Variants in SETD6 observed in about 807,000 individuals in gnomAD.
SETD6 encodes N-lysine methyltransferase SETD6.
In SETD6, 67 loss-of-function variants were observed where a neutral mutation model predicts 52.7. That is an observed-to-expected ratio of 1.27 (90% CI 1.04 to 1.56). SETD6 has a LOEUF of 1.56. SETD6 is among the 40% of genes most tolerant of loss of function. The pLI, the probability that SETD6 is intolerant of heterozygous loss-of-function variation, is 0.00. For missense variants in SETD6, 712 were observed against 607.5 expected (o/e 1.17, Z -1.81); for synonymous variants, 307 against 250.2 (o/e 1.23, Z -2.14).
chr16:58,515,799 G>T lies in SETD6; in HGVS notation c.36G>T (p.Gly12=). 1 of 1,513,884 alleles carries T rather than the reference G, an allele frequency of 6.6e-7. No individual in the cohort carries two copies. The highest frequency in any genetic ancestry group is 2.1e-5 in the Admixed American group (1 of 47,436). 93.8% of individuals were successfully genotyped at this position (1,513,884 alleles called of 1,614,324 possible). The part of the protein sequence containing the change: ...ATQAKRPRVA[G]PVDGGDLDPV... Reference sequence around the variant, plus strand: ...GCGCGCACTTATCTCAGGTGGCGGGGCCCGTGGACGGCGGCGACCTGGATC... The same window carrying T: ...GCGCGCACTTATCTCAGGTGGCGGGTCCCGTGGACGGCGGCGACCTGGATC... The change falls in exon 2 of 8, where the codon GGG becomes GGT. Residue 12 remains glycine, a synonymous_variant. Coordinates refer to ENST00000219315, the MANE Select transcript of SETD6 (RefSeq NM_001160305.4).
rs2039273182 is a variant in SETD6, at chr16:58,519,007, A to AGTT, written c.1405_1407dup (p.Leu469dup). On this transcript the variant is annotated inframe_insertion, in exon 8 of 8. Transcript: ENST00000219315. ...TATGGTCAGAAGATGATCTTACATC[A>AGTT]GTTGTTGGAGCTGACAAGTTAGCAG... is the stretch of plus-strand genomic sequence containing the variant. 1.2e-6 allele frequency: 2 copies of AGTT among 1,612,128 alleles called. No homozygotes were observed. Among genetic ancestry groups the AGTT allele is most frequent in the Non-Finnish European group, 1.7e-6 (2 of 1,178,840 alleles).
At position 58,520,292 on chromosome 16, in the gene SETD6, G is replaced by C. The variant is rs1324528850; in HGVS notation, c.*1263G>C. The C allele has an allele frequency of 1.3e-5, 2 of 152,218 alleles. No homozygotes were observed. The highest frequency in any genetic ancestry group is 4.8e-5 in the African/African-American group (2 of 41,404). 9.4% of individuals were successfully genotyped at this position (152,218 alleles called of 1,614,324 possible). Reference sequence around the variant, plus strand: ...CTGGTCTGGTTTCCCTTTATATAAAGAGCTGACCCCCATCTCAGGCGGCTG... The same window carrying C: ...CTGGTCTGGTTTCCCTTTATATAAACAGCTGACCCCCATCTCAGGCGGCTG... On this transcript the variant is annotated 3_prime_UTR_variant, in exon 8 of 8. Transcript: ENST00000219315.
Position 58,523,273 on chromosome 16 carries a change from G to A in SETD6, c.*4244G>A, listed in dbSNP as rs1026721277. ...AAAACAAAAAAAAAACCAACCAAACGGATTTTCACTGAACACTGAAAGCAT... is the reference window on the plus strand; with the variant it reads ...AAAACAAAAAAAAAACCAACCAAACAGATTTTCACTGAACACTGAAAGCAT... On this transcript the variant is annotated 3_prime_UTR_variant, in exon 8 of 8. Transcript: ENST00000219315. 2.3e-6 allele frequency: 3 copies of A among 1,320,776 alleles called. No individual in the cohort carries two copies. Among genetic ancestry groups the A allele is most frequent in the East Asian group, 2.4e-5 (1 of 41,808 alleles). 81.8% of individuals were successfully genotyped at this position (1,320,776 alleles called of 1,614,324 possible).
At chr16:58,516,146 G>T (rs565282482) in intron 2 of SETD6, 49 bp downstream of exon 2, 1 of 1,290,810 alleles carries the variant, frequency 7.7e-7, no homozygotes, top group Non-Finnish European at 9.8e-7. Flanking sequence ...GGGCGGGGCG[G>T]GGCGGGCCCG....
At chr16:58,517,132 A>T in intron 5 of SETD6, 1 of 689,572 alleles carries the variant, frequency 1.5e-6, no homozygotes, top group Non-Finnish European at 2.5e-6. Flanking sequence ...TCCTCTGATA[A>T]ACTATACTAC....
rs1479272928 is a variant in SETD6 at position 58,521,858 on chromosome 16, G to A, written c.*2829G>A. 6.6e-6 allele frequency among the ~76,000 whole-genome samples: 1 copy of A among 152,044 alleles called. No homozygotes were observed. The highest frequency in any genetic ancestry group is 1.5e-5 in the Non-Finnish European group (1 of 68,008). Reference sequence around the variant, plus strand: ...ATCCCAGCAGTCGGACGCTGAGGCAGGAGAATCGCTTGAACCCAGTAGGTG... The same window carrying A: ...ATCCCAGCAGTCGGACGCTGAGGCAAGAGAATCGCTTGAACCCAGTAGGTG... On this transcript the variant is annotated 3_prime_UTR_variant, in exon 8 of 8. Coordinates refer to ENST00000219315, the MANE Select transcript of SETD6 (RefSeq NM_001160305.4).
chr16:58,516,890 C>T lies in SETD6; in HGVS notation c.754C>T (p.His252Tyr). ...VMVPAADILNHLANHNANLEY... is the reference protein window; with the variant it reads ...VMVPAADILNYLANHNANLEY... ...GGTGCCTGCTGCAGACATACTAAAC[C>T]ACTTAGCCAATCACAACGCCAATCT... The change falls in exon 5 of 8, where the codon CAC becomes TAC. Residue 252 changes from histidine to tyrosine, a missense_variant. Coordinates refer to ENST00000219315, the MANE Select transcript of SETD6 (RefSeq NM_001160305.4). The T allele has an allele frequency of 1.9e-6, 3 of 1,614,170 alleles. No homozygotes were observed. Among genetic ancestry groups the T allele is most frequent in the Non-Finnish European group, 2.5e-6 (3 of 1,180,022 alleles).
At position 58,520,163 on chromosome 16, in the gene SETD6, G is replaced by GGA. The variant is rs1296156757; in HGVS notation, c.*1137_*1138dup. On this transcript the variant is annotated 3_prime_UTR_variant, in exon 8 of 8. Coordinates refer to ENST00000219315, the MANE Select transcript of SETD6 (RefSeq NM_001160305.4). Reference sequence around the variant, plus strand: ...GCCATTCATTCAGTGGGGTAATGGGGGAGAACAATTAATTAATGAGATTTG... The same window carrying GGA: ...GCCATTCATTCAGTGGGGTAATGGGGGAGAGAACAATTAATTAATGAGATTTG... The GGA allele has an allele frequency of 6.6e-6, 1 of 152,086 alleles. No homozygotes were observed. The highest frequency in any genetic ancestry group is 6.5e-5 in the Admixed American group (1 of 15,276). 9.4% of individuals were successfully genotyped at this position (152,086 alleles called of 1,614,324 possible).
At chr16:58,515,510 G>A (rs368467181), upstream of SETD6, 4 of 1,575,912 alleles carry the variant, frequency 2.5e-6, no homozygotes, top group Non-Finnish European at 3.4e-6. Flanking sequence ...GCGGTGCGCC[G>A]GCCCGCGAGG....
Position 58,521,380 on chromosome 16 carries a change from C to G in SETD6, c.*2351C>G. The G allele has an allele frequency of 6.6e-7, 1 of 1,513,582 alleles. No individual in the cohort carries two copies. The highest frequency in any genetic ancestry group is 8.9e-7 in the Non-Finnish European group (1 of 1,121,380). The allele number at this position is 1,513,582 out of a possible 1,614,324, so 93.8% of individuals were successfully genotyped here. On this transcript the variant is annotated 3_prime_UTR_variant, in exon 8 of 8. Coordinates refer to ENST00000219315, the MANE Select transcript of SETD6 (RefSeq NM_001160305.4). ...GCATACAAATTCATGATTATTCTTC[C>G]ATTACTTTTTTTCTAACTTCTCCCT...
Position 58,521,347 on chromosome 16 carries a change from G to T in SETD6, c.*2318G>T. The T allele has an allele frequency of 6.4e-7, 1 of 1,570,374 alleles. No homozygotes were observed. Among genetic ancestry groups the T allele is most frequent in the Non-Finnish European group, 8.6e-7 (1 of 1,162,080 alleles). On this transcript the variant is annotated 3_prime_UTR_variant, in exon 8 of 8. Transcript: ENST00000219315. ...AAAAAGGGAGAAAGAGCTAGTTAATGTATAGAAGCATACAAATTCATGATT... is the reference window on the plus strand; with the variant it reads ...AAAAAGGGAGAAAGAGCTAGTTAATTTATAGAAGCATACAAATTCATGATT...
chr16:58,518,372 A>G lies in SETD6; in HGVS notation c.974-29A>G, dbSNP rs1442870459. 6 of 1,581,456 alleles carry G rather than the reference A, an allele frequency of 3.8e-6. No individual in the cohort carries two copies. The South Asian group carries it at 7.0e-5, about 18-fold the overall frequency. On this transcript the variant is annotated intron_variant, in intron 6 of 7. Transcript: ENST00000219315. ...AAGAAATGAACCCTTGGGTGTACTG[A>G]GACTTTCACATTGCTGTTTCATCTA...
rs2039361250 is a variant in SETD6 at position 58,521,365 on chromosome 16, T to A, written c.*2336T>A. ...AGTTAATGTATAGAAGCATACAAATTCATGATTATTCTTCCATTACTTTTT... is the reference window on the plus strand; with the variant it reads ...AGTTAATGTATAGAAGCATACAAATACATGATTATTCTTCCATTACTTTTT... On this transcript the variant is annotated 3_prime_UTR_variant, in exon 8 of 8. Coordinates refer to ENST00000219315, the MANE Select transcript of SETD6 (RefSeq NM_001160305.4). 6 of 1,538,838 alleles carry A rather than the reference T, an allele frequency of 3.9e-6. No homozygotes were observed. Among genetic ancestry groups the A allele is most frequent in the East Asian group, 2.3e-5 (1 of 44,324 alleles).
At position 58,520,788 on chromosome 16, in the gene SETD6, G is replaced by T; in HGVS notation, c.*1759G>T. 1.6e-6 allele frequency: 1 copy of T among 641,820 alleles called. No homozygotes were observed. Among genetic ancestry groups the T allele is most frequent in the Non-Finnish European group, 2.6e-6 (1 of 378,618 alleles). The allele number at this position is 641,820 out of a possible 1,614,324, so 39.8% of individuals were successfully genotyped here. The stretch of plus-strand genomic sequence containing the variant: ...GTCAAAAAAATGCATTTAAACTTTG[G>T]AACGTGCCCACATAAGACAGGAGGC... On this transcript the variant is annotated 3_prime_UTR_variant, in exon 8 of 8. Coordinates refer to ENST00000219315, the MANE Select transcript of SETD6 (RefSeq NM_001160305.4).
intron 5 of SETD6, 151 bp downstream of exon 5, chr16:58,517,079 G>A (rs1037986050): frequency 5.2e-6 from 6 of 1,163,808 alleles, no homozygotes; most frequent in African/African-American, 4.6e-5. Context: ...AGAATCATTT[G>A]AATGCGAAAC....
chr16:58,517,810 G>A (rs1396771949), intron 5 of SETD6: 1 of 575,930 alleles, frequency 1.7e-6, no homozygotes, highest in East Asian at 3.0e-5. Context: ...AACTTTTTAA[G>A]TGCTGAAGAG....
chr16:58,523,335 T>G lies in SETD6; in HGVS notation c.*4306T>G, dbSNP rs180774956. 1.3e-6 allele frequency: 2 copies of G among 1,556,092 alleles called. No homozygotes were observed. Among genetic ancestry groups the G allele is most frequent in the Non-Finnish European group, 1.7e-6 (2 of 1,150,032 alleles). On this transcript the variant is annotated 3_prime_UTR_variant, in exon 8 of 8. Coordinates refer to ENST00000219315, the MANE Select transcript of SETD6 (RefSeq NM_001160305.4). ...AAAAAAGATGAAAGGGAGGAGATCC[T>G]TTTGAAGCATTTAAAAAATAAGCTG...
rs764499577 is a variant in SETD6 at position 58,515,998 on chromosome 16, G to A, written c.235G>A (p.Ala79Thr). The A allele has an allele frequency of 4.5e-6, 7 of 1,542,018 alleles. No homozygotes were observed. The African/African-American group carries it at 5.7e-5, about 12-fold the overall frequency. ...QGTVAGYGMV[A>T]RESVQAGELL... ...CACGGTGGCCGGCTACGGCATGGTG[G>A]CCCGGGAGAGCGTGCAGGCCGGAGA... Residue 79 changes from alanine (A) to threonine (T), a missense_variant, in exon 2 of 8, where the codon GCC becomes ACC. Ala to Thr is a moderately conservative substitution (Grantham distance 58, BLOSUM62 0). Coordinates refer to ENST00000219315, the MANE Select transcript of SETD6 (RefSeq NM_001160305.4).
Position 58,516,194 on chromosome 16 carries a change from T to C in SETD6, c.335-8T>C. 1 of 1,575,440 alleles carries C rather than the reference T, an allele frequency of 6.3e-7. No homozygotes were observed. Among genetic ancestry groups the C allele is most frequent in the South Asian group, 1.1e-5 (1 of 88,826 alleles). On this transcript the variant is annotated splice_polypyrimidine_tract_variant and splice_region_variant and intron_variant, in intron 2 of 7. Coordinates refer to ENST00000219315, the MANE Select transcript of SETD6 (RefSeq NM_001160305.4). ...GCGCCGGGGCGCTCACACCTGTGTC[T>C]TCCTCAGAGCGAGTTGCGCTGCAGA... is the stretch of plus-strand genomic sequence containing the variant.
Sources: gnomAD v4.1 joint callset for allele counts (sites outside exome capture counted in the v4.1 genomes callset) on GRCh38, gnomAD v4.1.1 for gene constraint, MANE v1.5 for transcripts, NCBI Gene and HGNC (gene_info 2026-07-23, HGNC 2026-07-21) for gene names.